The following PLN variants were observed in gnomAD, a reference collection of about 807,000 sequenced individuals.
The protein encoded by PLN is phospholamban, also known as cardiac phospholamban.
A neutral mutation model predicts 3.9 loss-of-function variants in PLN; 1 was observed. That is an observed-to-expected ratio of 0.26 (90% CI 0.09 to 1.23). The LOEUF (loss-of-function observed/expected upper bound fraction) is 1.23. PLN is among the 50% of genes most tolerant of loss of function. The pLI is 0.48. For missense variants in PLN, 59 were observed against 62.7 expected, an observed-to-expected ratio of 0.94 and a Z score of 0.20; for synonymous variants, 21 against 20.5, an observed-to-expected ratio of 1.02 and a Z score of -0.07.
chr6:118,551,159 A>C (rs1368095304), intron 1 of PLN, among the ~76,000 whole-genome samples: 2 of 151,948 alleles, frequency 1.3e-5, no homozygotes, highest in East Asian at 3.8e-4. Flanking sequence ...AGAATCAAGT[A>C]GTCTCTTTGT....
chr6:118,556,117 G>A (rs555663604), intron 1 of PLN, among the ~76,000 whole-genome samples: 2 of 152,242 alleles, frequency 1.3e-5, no homozygotes, highest in Non-Finnish European at 2.9e-5. Context: ...ATATTCATGG[G>A]TGTATGTCTT....
rs565692601 is a variant in PLN, at chr6:118,559,160, T to C, written c.*80T>C. On this transcript the variant is annotated 3_prime_UTR_variant, in exon 2 of 2. Coordinates refer to ENST00000357525, the MANE Select transcript of PLN (RefSeq NM_002667.5). ...ATCCCATGCAGACAGGAAAACAATA[T>C]TGTATAACAGACCACTTCCTGAGTA... The C allele has an allele frequency of 1.1e-4, 115 of 1,042,018 alleles. No individual in the cohort carries two copies. The highest frequency in any genetic ancestry group is 1.9e-4 in the East Asian group (8 of 42,264). 64.5% of individuals were successfully genotyped at this position (1,042,018 alleles called of 1,614,324 possible).
At chr6:118,550,616 C>T (rs1041421653) in intron 1 of PLN, among the ~76,000 whole-genome samples, 8 of 151,800 alleles carry the variant, frequency 5.3e-5, no homozygotes, top group Non-Finnish European at 1.2e-4. Context: ...CTCAAGATCA[C>T]AGAACTAAGA....
At chr6:118,550,854 A>G (rs1778498569) in intron 1 of PLN, among the ~76,000 whole-genome samples, 1 of 151,942 alleles carries the variant, frequency 6.6e-6, no homozygotes, top group African/African-American at 2.4e-5. Flanking sequence ...ATTTATGCAT[A>G]GCATTACATT....
chr6:118,552,575 T>C (rs757417670), intron 1 of PLN, among the ~76,000 whole-genome samples: 1 of 151,956 alleles, frequency 6.6e-6, no homozygotes. Flanking sequence ...TATATGACAT[T>C]AGTCAAAAGA....
In PLN at chr6:118,558,626, T is replaced by C. The variant is rs367703760; in HGVS notation, c.-97-199T>C. On this transcript the variant is annotated intron_variant, in intron 1 of 1. Coordinates refer to ENST00000357525, the MANE Select transcript of PLN (RefSeq NM_002667.5). ...ACAGACACATAGAAACACGTGCACATACACACACACACACACACACACACA... is the reference window on the plus strand; with the variant it reads ...ACAGACACATAGAAACACGTGCACACACACACACACACACACACACACACA... Among the ~76,000 whole-genome samples the C allele has an allele frequency of 3.9e-3, 441 of 111,672 alleles. 2 individuals are homozygous for C. Among genetic ancestry groups the C allele is most frequent in the African/African-American group, 0.01 (322 of 30,864 alleles). 73.3% of individuals were successfully genotyped at this position (111,672 alleles called of 152,430 possible). A position where few individuals can be genotyped will look rare whatever the true frequency, so the allele number is the denominator to read the frequency against.
Position 118,561,540 on chromosome 6 carries a change from A to G in PLN, c.*2460A>G, listed in dbSNP as rs1779223757. Among the ~76,000 whole-genome samples, 1 of 152,146 alleles carries G rather than the reference A, an allele frequency of 6.6e-6. No homozygotes were observed. The highest frequency in any genetic ancestry group is 2.1e-4 in the South Asian group (1 of 4,830). ...AAACAATTTATTTTTAAAATTTAAT[A>G]TACTAAATGCTCAAATATGTTCTAC... is the stretch of plus-strand genomic sequence containing the variant. On this transcript the variant is annotated 3_prime_UTR_variant, in exon 2 of 2. Transcript: ENST00000357525.
At chr6:118,556,124 T>C (rs1481867667) in intron 1 of PLN, among the ~76,000 whole-genome samples, 1 of 152,210 alleles carries the variant, frequency 6.6e-6, no homozygotes, top group Admixed American at 6.5e-5. Context: ...TGGGTGTATG[T>C]CTTTACGGCA....
At chr6:118,551,881 T>A (rs1422572647) in intron 1 of PLN, among the ~76,000 whole-genome samples, 2 of 151,934 alleles carry the variant, frequency 1.3e-5, no homozygotes, top group African/African-American at 4.8e-5. Flanking sequence ...TCCACTGGAG[T>A]GAACTTTTGT....
At chr6:118,554,712 C>T (rs1778750566) in intron 1 of PLN, among the ~76,000 whole-genome samples, 2 of 152,140 alleles carry the variant, frequency 1.3e-5, no homozygotes, top group African/African-American at 4.8e-5. Context: ...ACCAATTCCA[C>T]CTTAATAACT....
intron 1 of PLN, among the ~76,000 whole-genome samples, chr6:118,548,679 G>A (rs1050493075): frequency 2.0e-5 from 3 of 151,992 alleles, no homozygotes; most frequent in Admixed American, 6.6e-5. Flanking sequence ...TTTCAAATGT[G>A]AATTTCTGCC....
In PLN at chr6:118,558,818, A is replaced by G; in HGVS notation, c.-97-7A>G. ...ATTCTAATCCATTTATTATTTTTACATTCCAGGCTACCTAAAAGAAGACAG... is the reference window on the plus strand; with the variant it reads ...ATTCTAATCCATTTATTATTTTTACGTTCCAGGCTACCTAAAAGAAGACAG... On this transcript the variant is annotated splice_region_variant and splice_polypyrimidine_tract_variant and intron_variant, in intron 1 of 1. Coordinates refer to ENST00000357525, the MANE Select transcript of PLN (RefSeq NM_002667.5). 1 of 789,908 alleles carries G rather than the reference A, an allele frequency of 1.3e-6. No homozygotes were observed. Among genetic ancestry groups the G allele is most frequent in the Admixed American group, 2.0e-5 (1 of 51,166 alleles). 48.9% of individuals were successfully genotyped at this position (789,908 alleles called of 1,614,324 possible). A position where few individuals can be genotyped will look rare whatever the true frequency, so the allele number is the denominator to read the frequency against.
intron 1 of PLN, among the ~76,000 whole-genome samples, chr6:118,558,561 C>T (rs919126888): frequency 1.3e-5 from 2 of 150,464 alleles, no homozygotes; most frequent in Admixed American, 6.6e-5. Flanking sequence ...ACAAATGAGA[C>T]GGTCATGGTG....
chr6:118,549,183 T>C (rs1004030548), intron 1 of PLN, among the ~76,000 whole-genome samples: 3 of 152,018 alleles, frequency 2.0e-5, no homozygotes, highest in Non-Finnish European at 4.4e-5. Flanking sequence ...TATCTTATTT[T>C]CACACAAATT....
intron 1 of PLN, among the ~76,000 whole-genome samples, chr6:118,552,939 A>C (rs1364488003): frequency 1.3e-5 from 2 of 151,996 alleles, no homozygotes; most frequent in African/African-American, 4.8e-5. Context: ...CCTAGAAGAC[A>C]ATTTGATTTT....
intron 1 of PLN, among the ~76,000 whole-genome samples, chr6:118,555,811 G>A (rs532538475): frequency 1.3e-5 from 2 of 149,868 alleles, no homozygotes; most frequent in Non-Finnish European, 2.9e-5. Context: ...CATCCTCCCC[G>A]CTCAAGTAGA....
chr6:118,557,892 C>T (rs1344954808), intron 1 of PLN, among the ~76,000 whole-genome samples: 1 of 151,758 alleles, frequency 6.6e-6, no homozygotes, highest in Admixed American at 6.6e-5. Flanking sequence ...AACATGATTC[C>T]ATGTTTTTAA....
rs145623013 is a variant in PLN, at chr6:118,558,948, C to T, written c.27C>T (p.Arg9=). Reference sequence around the variant, plus strand: ...TGGAGAAAGTCCAATACCTCACTCGCTCAGCTATAAGAAGAGCCTCAACCA... The same window carrying T: ...TGGAGAAAGTCCAATACCTCACTCGTTCAGCTATAAGAAGAGCCTCAACCA... MEKVQYLT[R]SAIRRASTIE... Residue 9 remains arginine, a synonymous_variant, in exon 2 of 2, where the codon CGC becomes CGT. Transcript: ENST00000357525. 1,577 of 1,613,862 alleles carry T rather than the reference C, an allele frequency of 9.8e-4. 1 individual carries two copies. Among genetic ancestry groups the T allele is most frequent in the Non-Finnish European group, 1.3e-3 (1,476 of 1,179,740 alleles).
Position 118,559,292 on chromosome 6 carries a change from A to T in PLN, c.*212A>T. On this transcript the variant is annotated 3_prime_UTR_variant, in exon 2 of 2. Transcript: ENST00000357525. Reference sequence around the variant, plus strand: ...CATGAAAAGGGCTTTATTTTCAAAAATTAACTTCAAAATAAGTGTATAAAA... The same window carrying T: ...CATGAAAAGGGCTTTATTTTCAAAATTTAACTTCAAAATAAGTGTATAAAA... The T allele has an allele frequency of 1.8e-6, 1 of 562,504 alleles. No individual in the cohort carries two copies. Among genetic ancestry groups the T allele is most frequent in the Non-Finnish European group, 3.3e-6 (1 of 304,938 alleles). The allele number at this position is 562,504 out of a possible 1,614,324, so 34.8% of individuals were successfully genotyped here.
Sources: allele counts gnomAD v4.1 joint callset (sites outside exome capture counted in the v4.1 genomes callset), GRCh38; gene constraint gnomAD v4.1.1; transcripts MANE v1.5; gene names NCBI Gene and HGNC (gene_info 2026-07-23, HGNC 2026-07-21).